Variants in FERMT1 observed in about 807,000 individuals in gnomAD.
FERMT1 encodes the protein fermitin family homolog 1.
FERMT1 carries 60 observed loss-of-function variants against 85.3 expected under a neutral mutation model. The observed-to-expected ratio is 0.70, with a 90% CI of 0.57 to 0.87. FERMT1 has a LOEUF of 0.87. Among genes scored for constraint, FERMT1 ranks in the 40% least tolerant of loss-of-function variants. The pLI, the probability that FERMT1 is intolerant of heterozygous loss-of-function variation, is 0.00. For missense variants in FERMT1, 701 were observed against 818.9 expected (o/e 0.86, Z 1.76); for synonymous variants, 275 against 301.1 (o/e 0.91, Z 0.90).
chr20:6,083,950 T>C, intron 13 of FERMT1, 90 bp downstream of exon 13: 2 of 1,450,304 alleles, frequency 1.4e-6, no homozygotes, highest in Middle Eastern at 1.7e-4. Flanking sequence ...AAGCATTCTA[T>C]ATTCTATGCT....
At position 6,112,461 on chromosome 20, in the gene FERMT1, C is replaced by G. The variant is rs1397444780; in HGVS notation, c.532+16G>C. 6.2e-7 allele frequency: 1 copy of G among 1,612,912 alleles called. No homozygotes were observed. Among genetic ancestry groups the G allele is most frequent in the Non-Finnish European group, 8.5e-7 (1 of 1,179,076 alleles). ...ACTGTACGTTCAAACAACAAAACAC[C>G]TGTAACAAGTCTTACCTGATGAACC... is the stretch of plus-strand genomic sequence containing the variant. On this transcript the variant is annotated intron_variant, in intron 4 of 14. Transcript: ENST00000217289.
At chr20:6,111,171 G>A (rs1982937883) in intron 4 of FERMT1, among the ~76,000 whole-genome samples, 2 of 152,214 alleles carry the variant, frequency 1.3e-5, no homozygotes, top group African/African-American at 4.8e-5. Flanking sequence ...CACTATTAGA[G>A]AACTGGAGAC....
At chr20:6,091,714 A>C (rs938565383) in intron 9 of FERMT1, among the ~76,000 whole-genome samples, 1 of 152,158 alleles carries the variant, frequency 6.6e-6, no homozygotes, top group Non-Finnish European at 1.5e-5. Context: ...TTCTACCTGG[A>C]CCTTAAGAGT....
At chr20:6,106,306 G>A (rs992344828) in intron 6 of FERMT1, among the ~76,000 whole-genome samples, 1 of 152,154 alleles carries the variant, frequency 6.6e-6, no homozygotes, top group African/African-American at 2.4e-5. Context: ...TTTTGAAGAT[G>A]GCAGTTGGGG....
At chr20:6,102,196 C>T (rs1982676113) in intron 6 of FERMT1, among the ~76,000 whole-genome samples, 2 of 152,102 alleles carry the variant, frequency 1.3e-5, no homozygotes, top group South Asian at 2.1e-4. Context: ...TCCCATTTCT[C>T]CAGAGACAAT....
Position 6,097,050 on chromosome 20 carries a change from C to A in FERMT1, c.958-17G>T. ...AATGTGGTACTAAAATGAAAACAGA[C>A]GTTTTAGAAATGTTATAAACAGAAA... On this transcript the variant is annotated splice_polypyrimidine_tract_variant and intron_variant, in intron 7 of 14. Coordinates refer to ENST00000217289, the MANE Select transcript of FERMT1 (RefSeq NM_017671.5). The A allele has an allele frequency of 6.2e-7, 1 of 1,611,410 alleles. No individual in the cohort carries two copies. The highest frequency in any genetic ancestry group is 8.5e-7 in the Non-Finnish European group (1 of 1,177,912).
At chr20:6,082,630 A>G (rs1982029279) in intron 13 of FERMT1, among the ~76,000 whole-genome samples, 2 of 152,138 alleles carry the variant, frequency 1.3e-5, no homozygotes, top group Non-Finnish European at 2.9e-5. Flanking sequence ...GAGATATTTC[A>G]GTGAATAGGA....
intron 11 of FERMT1, 29 bp from the exon 12 acceptor site, chr20:6,085,316 G>A: frequency 6.2e-7 from 1 of 1,600,994 alleles, no homozygotes; most frequent in South Asian, 1.1e-5. Context: ...TGAGAAGCAA[G>A]CTCAAGTGCA....
At chr20:6,091,626 C>T (rs1011473406) in intron 9 of FERMT1, among the ~76,000 whole-genome samples, 1 of 152,210 alleles carries the variant, frequency 6.6e-6, no homozygotes, top group Non-Finnish European at 1.5e-5. Context: ...CCAAAAGATA[C>T]AGGTAATAAG....
At chr20:6,114,829 G>A (rs1382679499) in intron 3 of FERMT1, among the ~76,000 whole-genome samples, 2 of 151,966 alleles carry the variant, frequency 1.3e-5, no homozygotes, top group Non-Finnish European at 2.9e-5. Flanking sequence ...CTCTTTTTTG[G>A]GGTACTATCC....
intron 8 of FERMT1, among the ~76,000 whole-genome samples, chr20:6,096,229 G>A (rs188053373): frequency 6.6e-6 from 1 of 152,278 alleles, no homozygotes; most frequent in Non-Finnish European, 1.5e-5. Context: ...GTTTTTATCG[G>A]TAAAGAATTT....
chr20:6,093,848 C>T (rs190323751), intron 9 of FERMT1, among the ~76,000 whole-genome samples: 86 of 152,120 alleles, frequency 5.7e-4, no homozygotes, highest in Admixed American at 3.3e-3. Context: ...CCCAGCTACT[C>T]GGGAGGCTAA....
intron 6 of FERMT1, among the ~76,000 whole-genome samples, chr20:6,098,299 G>T (rs1473903955): frequency 1.3e-5 from 2 of 152,170 alleles, no homozygotes; most frequent in Non-Finnish European, 2.9e-5. Flanking sequence ...TGCAAGCCCA[G>T]TGCAATCCCA....
chr20:6,079,208 A>G (rs1380934665), intron 14 of FERMT1, among the ~76,000 whole-genome samples: 2 of 152,232 alleles, frequency 1.3e-5, no homozygotes, highest in Non-Finnish European at 2.9e-5. Flanking sequence ...GAAAGTCTGC[A>G]TGGAGACTAA....
At chr20:6,082,449 C>T (rs888481632) in intron 13 of FERMT1, among the ~76,000 whole-genome samples, 1 of 152,106 alleles carries the variant, frequency 6.6e-6, no homozygotes, top group South Asian at 2.1e-4. Flanking sequence ...TTTCACTATG[C>T]GGGGTTGACT....
chr20:6,112,690 C>CA (rs1431487620), intron 3 of FERMT1, 67 bp from the exon 4 acceptor site: 1 of 1,091,320 alleles, frequency 9.2e-7, no homozygotes, highest in African/African-American at 1.6e-5. Context: ...GACTCAGGGT[C>CA]ATTTTGTGCA....
At chr20:6,122,513 C>T (rs1206384910) in intron 1 of FERMT1, among the ~76,000 whole-genome samples, 3 of 152,172 alleles carry the variant, frequency 2.0e-5, no homozygotes, top group African/African-American at 7.2e-5. Context: ...TCTGCAGGAT[C>T]CTGGGGCGGA....
chr20:6,101,206 A>T (rs1020114216), intron 6 of FERMT1, among the ~76,000 whole-genome samples: 3 of 152,258 alleles, frequency 2.0e-5, no homozygotes, highest in Admixed American at 6.5e-5. Context: ...TTGGTGACAT[A>T]AAGCTTTAAG....
rs963433241 is a variant in FERMT1, at chr20:6,089,128, C to G, written c.1140-39G>C. On this transcript the variant is annotated intron_variant, in intron 9 of 14. Coordinates refer to ENST00000217289, the MANE Select transcript of FERMT1 (RefSeq NM_017671.5). ...GATAGTGAATGTTTAAACCACCACC[C>G]AGAAATGTGGAACACGCTGCAGATT... 4 of 1,600,726 alleles carry G rather than the reference C, an allele frequency of 2.5e-6. No homozygotes were observed. The African/African-American group carries it at 4.0e-5, about 16-fold the overall frequency.
Sources: allele counts gnomAD v4.1 joint callset (sites outside exome capture counted in the v4.1 genomes callset), GRCh38; gene constraint gnomAD v4.1.1; transcripts MANE v1.5; gene names NCBI Gene and HGNC (gene_info 2026-07-23, HGNC 2026-07-21).